The following WASF3 variants were observed in gnomAD, a reference collection of about 807,000 sequenced individuals.
WASF3 encodes actin-binding protein WASF3.
WASF3 carries 11 observed loss-of-function variants against 46.6 expected under a neutral mutation model. That is an observed-to-expected ratio of 0.24 (90% CI 0.15 to 0.39). WASF3 has a LOEUF of 0.39. WASF3 is among the 10% of genes least tolerant of loss of function. WASF3 has a pLI of 1.00. For missense variants in WASF3, 576 were observed against 669.8 expected (o/e 0.86, Z 1.55); for synonymous variants, 242 against 259.7 (o/e 0.93, Z 0.65).
At chr13:26,562,842 C>CTCTCCCCTCCCCTCT (rs1879334875) in intron 1 of WASF3, among the ~76,000 whole-genome samples, 1 of 54,232 alleles carries the variant, frequency 1.8e-5, no homozygotes, top group Non-Finnish European at 3.8e-5. Flanking sequence ...TGATTTCCTC[C>CTCTCCCCTCCCCTCT]CCTCCCCTCC....
At chr13:26,566,114 T>C (rs1879457240) in intron 1 of WASF3, among the ~76,000 whole-genome samples, 3 of 152,258 alleles carry the variant, frequency 2.0e-5, no homozygotes, top group African/African-American at 7.2e-5. Context: ...TTTCTGATGA[T>C]TGTCAAATTT....
chr13:26,602,857 C>T (rs369298746), intron 1 of WASF3, among the ~76,000 whole-genome samples: 43 of 152,186 alleles, frequency 2.8e-4, no homozygotes, highest in African/African-American at 8.0e-4. Context: ...CTGTATATTT[C>T]GTGCACTTAT....
At chr13:26,581,141 A>G (rs1173769729) in intron 1 of WASF3, among the ~76,000 whole-genome samples, 1 of 152,038 alleles carries the variant, frequency 6.6e-6, no homozygotes, top group Non-Finnish European at 1.5e-5. Context: ...CATGTTGCCC[A>G]GGCTGGTCTT....
intron 5 of WASF3, 47 bp downstream of exon 5, chr13:26,667,717 GCT>G (rs1363614249): frequency 1.1e-5 from 17 of 1,559,398 alleles, no homozygotes; most frequent in Non-Finnish European, 1.5e-5. Flanking sequence ...TGAGGGGAGA[GCT>G]GGGCAGAGCT....
chr13:26,541,428 TA>T, the WASF3 span, among the ~76,000 whole-genome samples: 1 of 152,200 alleles, frequency 6.6e-6, no homozygotes, highest in African/African-American at 2.4e-5. Flanking sequence ...GAGATAAGAC[TA>T]TTTTATGGAT....
chr13:26,662,065 T>A (rs1009058715), intron 3 of WASF3, among the ~76,000 whole-genome samples: 5 of 152,146 alleles, frequency 3.3e-5, no homozygotes, highest in Non-Finnish European at 7.3e-5. Flanking sequence ...CTGCAAGTAG[T>A]GCATTCTGGC....
At chr13:26,621,430 A>C (rs1881303185) in intron 2 of WASF3, among the ~76,000 whole-genome samples, 1 of 152,180 alleles carries the variant, frequency 6.6e-6, no homozygotes, top group Non-Finnish European at 1.5e-5. Context: ...CAAGAGAGCA[A>C]ATCTGTTCTG....
At chr13:26,633,993 A>C (rs1237482829) in intron 2 of WASF3, among the ~76,000 whole-genome samples, 1 of 152,174 alleles carries the variant, frequency 6.6e-6, no homozygotes, top group Non-Finnish European at 1.5e-5. Context: ...AGTTCTGTAG[A>C]TGTCTATTAG....
intron 1 of WASF3, among the ~76,000 whole-genome samples, chr13:26,609,098 G>T (rs1880893256): frequency 6.6e-6 from 1 of 152,134 alleles, no homozygotes; most frequent in Non-Finnish European, 1.5e-5. Context: ...AATACAATCA[G>T]ATTAGGATAA....
intron 3 of WASF3, among the ~76,000 whole-genome samples, chr13:26,649,240 T>C (rs1012195541): frequency 3.9e-5 from 6 of 152,306 alleles, no homozygotes; most frequent in South Asian, 2.1e-4. Flanking sequence ...TTCTTTTACG[T>C]ACGTTGTCTG....
chr13:26,655,237 G>C (rs1405203084), intron 3 of WASF3, among the ~76,000 whole-genome samples: 6 of 152,086 alleles, frequency 3.9e-5, no homozygotes, highest in African/African-American at 1.4e-4. Flanking sequence ...TTATGACCTT[G>C]ACACTTTTAT....
chr13:26,586,245 TTTC>T (rs1407366510), intron 1 of WASF3, among the ~76,000 whole-genome samples: 1 of 151,988 alleles, frequency 6.6e-6, no homozygotes, highest in African/African-American at 2.4e-5. Flanking sequence ...ATTTTTTGTG[TTTC>T]TTTTCGCTCT....
intron 1 of WASF3, among the ~76,000 whole-genome samples, chr13:26,593,606 A>G (rs961181207): frequency 6.6e-6 from 1 of 152,088 alleles, no homozygotes; most frequent in African/African-American, 2.4e-5. Context: ...ATTTTCTTGC[A>G]GATTTATTTA....
chr13:26,646,689 A>G (rs1882159952), intron 3 of WASF3, among the ~76,000 whole-genome samples: 2 of 152,310 alleles, frequency 1.3e-5, no homozygotes, highest in Non-Finnish European at 1.5e-5. Flanking sequence ...CACCAGTGCA[A>G]CTTAGGGATT....
chr13:26,650,971 T>A (rs546702068), intron 3 of WASF3, among the ~76,000 whole-genome samples: 25 of 152,254 alleles, frequency 1.6e-4, no homozygotes, highest in African/African-American at 4.8e-4. Context: ...GCAGAAGTAG[T>A]AATGGAAGAT....
chr13:26,542,316 A>G, the WASF3 span, among the ~76,000 whole-genome samples: 5 of 152,324 alleles, frequency 3.3e-5, no homozygotes, highest in African/African-American at 1.2e-4. Context: ...ATCTGGCCAC[A>G]AACTAGCAAA....
chr13:26,589,840 T>A (rs1880237626), intron 1 of WASF3, among the ~76,000 whole-genome samples: 1 of 152,192 alleles, frequency 6.6e-6, no homozygotes, highest in Admixed American at 6.5e-5. Flanking sequence ...TAGATGTATC[T>A]GTAGATTTTA....
rs1191301307 is a variant in WASF3 at position 26,674,785 on chromosome 13, T to G, written c.541-1764T>G. 9.2e-5 allele frequency among the ~76,000 whole-genome samples: 14 copies of G among 152,364 alleles called. No individual in the cohort carries two copies. In the East Asian group the frequency reaches 2.7e-3, roughly 29 times the overall value. On this transcript the variant is annotated intron_variant, in intron 6 of 9. Transcript: ENST00000335327. ...TAAATTTCTAGAAGTTGAATTGCTCTTATTGAAGAGAATGTGAATTTTAAA... is the reference window on the plus strand; with the variant it reads ...TAAATTTCTAGAAGTTGAATTGCTCGTATTGAAGAGAATGTGAATTTTAAA...
chr13:26,589,938 G>A (rs1467268971), intron 1 of WASF3, among the ~76,000 whole-genome samples: 1 of 152,150 alleles, frequency 6.6e-6, no homozygotes, highest in African/African-American at 2.4e-5. Flanking sequence ...GGCAGAAGAA[G>A]GTTCACCTCA....
Sources: allele counts gnomAD v4.1 joint callset (sites outside exome capture counted in the v4.1 genomes callset), GRCh38; gene constraint gnomAD v4.1.1; transcripts MANE v1.5; gene names NCBI Gene and HGNC (gene_info 2026-07-23, HGNC 2026-07-21).